Variants in ATE1 observed in about 807,000 individuals in gnomAD.
ATE1 encodes the protein arginyltransferase 1.
In ATE1, 36 loss-of-function variants were observed where a neutral mutation model predicts 70.5. That is an observed-to-expected ratio of 0.51 (90% CI 0.39 to 0.67). The LOEUF is 0.67. Ranked by LOEUF, ATE1 falls within the 30% of genes least tolerant of loss-of-function variation. The probability of loss-of-function intolerance (pLI) is 0.00; values close to 1 mark genes in which losing one functional copy is unlikely to be tolerated. For synonymous variants in ATE1, 232 were observed against 219.3 expected (o/e 1.06, Z -0.51); for missense variants, 593 against 629.5 (o/e 0.94, Z 0.62).
chr10:121,748,447 G>GA (rs147084405), intron 11 of ATE1, among the ~76,000 whole-genome samples: 13,292 of 152,102 alleles, frequency 0.087, 677 homozygotes, highest in African/African-American at 0.13. Context: ...GAGATCACAT[G>GA]AAAAAGCTAT....
At chr10:121,876,961 AG>A (rs1234641390) in intron 7 of ATE1, among the ~76,000 whole-genome samples, 25 of 149,414 alleles carry the variant, frequency 1.7e-4, no homozygotes, top group Non-Finnish European at 3.0e-4. Flanking sequence ...GCGACACTCC[AG>A]TCTCAAAAAA....
At chr10:121,777,744 A>G (rs527670083) in intron 11 of ATE1, among the ~76,000 whole-genome samples, 2 of 152,350 alleles carry the variant, frequency 1.3e-5, no homozygotes, top group Admixed American at 6.5e-5. Flanking sequence ...TATGTAAATA[A>G]CTGATTTAGA....
intron 11 of ATE1, among the ~76,000 whole-genome samples, chr10:121,786,653 AT>A (rs909553085): frequency 5.3e-5 from 8 of 151,926 alleles, no homozygotes; most frequent in African/African-American, 1.9e-4. Flanking sequence ...AAAAAAAAAA[AT>A]CTTTATTAGA....
chr10:121,757,647 C>T (rs1478238300), intron 11 of ATE1, among the ~76,000 whole-genome samples: 2 of 152,160 alleles, frequency 1.3e-5, no homozygotes, highest in Non-Finnish European at 2.9e-5. Flanking sequence ...CAGGGCAACT[C>T]CCATTTTTAA....
chr10:121,780,948 T>C (rs1467318956), intron 11 of ATE1, among the ~76,000 whole-genome samples: 1 of 152,204 alleles, frequency 6.6e-6, no homozygotes, highest in Non-Finnish European at 1.5e-5. Flanking sequence ...CACCTCCCAT[T>C]AGCATAATAC....
chr10:121,798,731 C>T (rs1386034783), intron 10 of ATE1, among the ~76,000 whole-genome samples: 1 of 147,584 alleles, frequency 6.8e-6, no homozygotes, highest in Non-Finnish European at 1.5e-5. Context: ...GAAACCCCTT[C>T]TCTACTAAAA....
At chr10:121,859,209 C>G (rs951918932) in intron 8 of ATE1, among the ~76,000 whole-genome samples, 1 of 152,086 alleles carries the variant, frequency 6.6e-6, no homozygotes, top group Non-Finnish European at 1.5e-5. Flanking sequence ...TCTCAATGAG[C>G]TATCTCCCAT....
intron 8 of ATE1, among the ~76,000 whole-genome samples, chr10:121,863,280 G>A (rs1354614458): frequency 2.7e-4 from 32 of 119,268 alleles, no homozygotes; most frequent in Admixed American, 1.8e-3. Context: ...TTTTGAGACA[G>A]TCTCTTTCTG....
intron 10 of ATE1, among the ~76,000 whole-genome samples, chr10:121,817,648 T>C (rs970008187): frequency 1.3e-5 from 2 of 152,052 alleles, no homozygotes; most frequent in Non-Finnish European, 2.9e-5. Flanking sequence ...AACGTTGATA[T>C]CAGCATCTAA....
At chr10:121,862,343 C>A (rs1471452385) in intron 8 of ATE1, among the ~76,000 whole-genome samples, 1 of 151,924 alleles carries the variant, frequency 6.6e-6, no homozygotes, top group South Asian at 2.1e-4. Flanking sequence ...AGCAATGATA[C>A]TTCTTACGTT....
chr10:121,909,343 C>A (rs1951328710), intron 5 of ATE1, among the ~76,000 whole-genome samples: 2 of 152,092 alleles, frequency 1.3e-5, no homozygotes, highest in South Asian at 4.2e-4. Flanking sequence ...TTATCTGGAT[C>A]CTAACACAAA....
intron 11 of ATE1, among the ~76,000 whole-genome samples, chr10:121,774,340 TC>T (rs34143606): frequency 6.6e-6 from 1 of 151,926 alleles, no homozygotes; most frequent in Non-Finnish European, 1.5e-5. Flanking sequence ...TGGTATCTAA[TC>T]CCCCCTCCTC....
rs144272073 is a variant in ATE1 at position 121,742,146 on chromosome 10, C to T, written c.*1534G>A. The T allele has an allele frequency of 1.4e-3, 219 of 152,302 alleles. 1 individual carries two copies. Among genetic ancestry groups the T allele is most frequent in the African/African-American group, 4.6e-3 (191 of 41,560 alleles). The allele number at this position is 152,302 out of a possible 1,614,324, so 9.4% of individuals were successfully genotyped here. On this transcript the variant is annotated 3_prime_UTR_variant, in exon 12 of 12. Transcript: ENST00000224652. ...CTACTCTAGCTCGGTTAGCAGAGTA[C>T]GCAGCACCTTGGCAGGTGTGACACA... is the stretch of plus-strand genomic sequence containing the variant.
chr10:121,818,256 C>CAAAAAAAAAA (rs66792557), intron 10 of ATE1, among the ~76,000 whole-genome samples: 1 of 63,392 alleles, frequency 1.6e-5, no homozygotes, highest in Non-Finnish European at 2.6e-5. Flanking sequence ...GACTCCATCT[C>CAAAAAAAAAA]AAAAAAAAAA....
intron 7 of ATE1, among the ~76,000 whole-genome samples, chr10:121,892,457 G>A (rs1343919951): frequency 6.6e-6 from 1 of 151,176 alleles, no homozygotes; most frequent in Non-Finnish European, 1.5e-5. Context: ...ATTTGGAAAA[G>A]AGATACGGGG....
chr10:121,791,492 T>G (rs1305200987), intron 10 of ATE1, among the ~76,000 whole-genome samples: 1 of 152,228 alleles, frequency 6.6e-6, no homozygotes, highest in East Asian at 1.9e-4. Flanking sequence ...ATGGGGATAA[T>G]GAAGATGGTA....
intron 7 of ATE1, among the ~76,000 whole-genome samples, chr10:121,895,979 G>A (rs1171138716): frequency 2.0e-5 from 3 of 151,876 alleles, no homozygotes; most frequent in Non-Finnish European, 4.4e-5. Context: ...ATTTTGCTGG[G>A]TGTAATAATG....
intron 10 of ATE1, among the ~76,000 whole-genome samples, chr10:121,801,194 A>T (rs1427237210): frequency 6.6e-6 from 1 of 152,188 alleles, no homozygotes; most frequent in African/African-American, 2.4e-5. Flanking sequence ...TTAAAAATAC[A>T]TATTTTTTCC....
chr10:121,754,670 T>C (rs1944720689), intron 11 of ATE1, among the ~76,000 whole-genome samples: 1 of 152,204 alleles, frequency 6.6e-6, no homozygotes, highest in Non-Finnish European at 1.5e-5. Context: ...CGTCAATGGA[T>C]GTAAAAACCA....
Sources: allele counts gnomAD v4.1 joint callset (sites outside exome capture counted in the v4.1 genomes callset), GRCh38; gene constraint gnomAD v4.1.1; transcripts MANE v1.5; gene names NCBI Gene and HGNC (gene_info 2026-07-23, HGNC 2026-07-21).